SGCZ: variants seen among roughly 807,000 people sequenced by gnomAD.
SGCZ encodes sarcoglycan zeta.
A neutral mutation model predicts 41.3 loss-of-function variants in SGCZ; 40 were observed. That is an observed-to-expected ratio of 0.97 (90% CI 0.75 to 1.26). The LOEUF (loss-of-function observed/expected upper bound fraction) is 1.26. Among genes scored for constraint, SGCZ ranks in the 50% most tolerant of loss-of-function variants. The pLI, the probability that SGCZ is intolerant of heterozygous loss-of-function variation, is 0.00. For synonymous variants in SGCZ, 206 were observed against 137.5 expected (o/e 1.50, Z -3.49); for missense variants, 552 against 369.8 (o/e 1.49, Z -4.04).
chr8:14,201,560 T>C (rs1277449210), intron 4 of SGCZ, among the ~76,000 whole-genome samples: 2 of 152,300 alleles, frequency 1.3e-5, no homozygotes, highest in African/African-American at 2.4e-5. Context: ...TATTTATGTA[T>C]TTCAGAACAG....
chr8:14,160,625 C>T (rs1055993951), intron 5 of SGCZ, among the ~76,000 whole-genome samples: 1 of 152,124 alleles, frequency 6.6e-6, no homozygotes, highest in Non-Finnish European at 1.5e-5. Flanking sequence ...CAAGTAATGT[C>T]AAGAGTGGAA....
At chr8:14,417,675 C>T (rs749235331) in intron 2 of SGCZ, among the ~76,000 whole-genome samples, 1 of 151,550 alleles carries the variant, frequency 6.6e-6, no homozygotes, top group Admixed American at 6.6e-5. Flanking sequence ...TTACTAATAA[C>T]GTATTGTACT....
intron 2 of SGCZ, among the ~76,000 whole-genome samples, chr8:14,512,727 T>G (rs1802503466): frequency 6.6e-6 from 1 of 151,820 alleles, no homozygotes; most frequent in African/African-American, 2.4e-5. Context: ...AGCCTTCCAA[T>G]GGGCTGGGAC....
At chr8:15,176,784 A>C (rs923733512) in intron 1 of SGCZ, among the ~76,000 whole-genome samples, 4 of 152,118 alleles carry the variant, frequency 2.6e-5, no homozygotes, top group Admixed American at 2.6e-4. Flanking sequence ...GGCGGATCAC[A>C]AGGTCAGGAG....
At chr8:14,211,062 C>G (rs559337278) in intron 4 of SGCZ, among the ~76,000 whole-genome samples, 47 of 152,194 alleles carry the variant, frequency 3.1e-4, no homozygotes, top group Non-Finnish European at 2.6e-4. Context: ...TGCTAGTAAT[C>G]CATTTATCGT....
chr8:14,577,904 T>C (rs1160635187), intron 1 of SGCZ, among the ~76,000 whole-genome samples: 2 of 152,194 alleles, frequency 1.3e-5, no homozygotes, highest in Admixed American at 6.5e-5. Context: ...ACTTATTTAA[T>C]AAATGAGGAA....
chr8:14,491,788 T>C (rs1801849659), intron 2 of SGCZ, among the ~76,000 whole-genome samples: 3 of 152,202 alleles, frequency 2.0e-5, no homozygotes, highest in Non-Finnish European at 2.9e-5. Context: ...TATTTCATTT[T>C]AATAGCTCAT....
intron 2 of SGCZ, among the ~76,000 whole-genome samples, chr8:14,361,950 G>T (rs1803529561): frequency 6.6e-6 from 1 of 152,154 alleles, no homozygotes; most frequent in African/African-American, 2.4e-5. Flanking sequence ...CTCAGCTGCA[G>T]GTCTGCTGGA....
intron 1 of SGCZ, among the ~76,000 whole-genome samples, chr8:14,600,808 T>C (rs1385387404): frequency 1.3e-5 from 2 of 151,998 alleles, no homozygotes; most frequent in African/African-American, 2.4e-5. Context: ...TAAAATTAAC[T>C]CCATTGTTGT....
At chr8:14,577,039 T>G (rs1432073455) in intron 1 of SGCZ, among the ~76,000 whole-genome samples, 1 of 152,346 alleles carries the variant, frequency 6.6e-6, no homozygotes, top group East Asian at 1.9e-4. Flanking sequence ...AAACTGTACA[T>G]TTCTTGACTA....
At chr8:14,984,021 G>C (rs1292296807) in intron 1 of SGCZ, among the ~76,000 whole-genome samples, 1 of 152,158 alleles carries the variant, frequency 6.6e-6, no homozygotes, top group African/African-American at 2.4e-5. Context: ...CTAAAGTGGA[G>C]TGAAATTGGA....
Position 14,870,844 on chromosome 8 carries a change from G to T in SGCZ, c.40-315918C>A, listed in dbSNP as rs139716756. Among the ~76,000 whole-genome samples the T allele has an allele frequency of 7.6e-3, 1,152 of 152,172 alleles. 16 individuals carry two copies. The highest frequency in any genetic ancestry group is 0.026 in the African/African-American group (1,091 of 41,518). On this transcript the variant is annotated intron_variant, in intron 1 of 7. Transcript: ENST00000382080. ...GAAACAAGGCTCATCATCACTGGTC[G>T]TTAGAGAAATTCAAATCAAAACCAC...
At chr8:15,219,363 G>C (rs1585686443) in intron 1 of SGCZ, among the ~76,000 whole-genome samples, 1 of 152,052 alleles carries the variant, frequency 6.6e-6, no homozygotes, top group East Asian at 1.9e-4. Context: ...ACATTGCTGA[G>C]TCAATATAAT....
intron 1 of SGCZ, among the ~76,000 whole-genome samples, chr8:15,020,472 G>C (rs1194542698): frequency 6.6e-6 from 1 of 152,066 alleles, no homozygotes; most frequent in East Asian, 1.9e-4. Context: ...TATATATGAG[G>C]AGATGTTCTT....
chr8:14,109,511 T>G (rs1337297106), intron 5 of SGCZ, among the ~76,000 whole-genome samples: 1 of 152,174 alleles, frequency 6.6e-6, no homozygotes, highest in Non-Finnish European at 1.5e-5. Flanking sequence ...CTCATACCTG[T>G]TCCATCAGTG....
intron 1 of SGCZ, among the ~76,000 whole-genome samples, chr8:14,875,931 G>C (rs548271179): frequency 2.0e-5 from 3 of 152,256 alleles, no homozygotes; most frequent in East Asian, 1.9e-4. Context: ...CAGAATAGCA[G>C]AGTAATAAAC....
chr8:14,542,164 T>C (rs1228514018), intron 2 of SGCZ, among the ~76,000 whole-genome samples: 1 of 152,110 alleles, frequency 6.6e-6, no homozygotes, highest in Non-Finnish European at 1.5e-5. Context: ...TTTTGGCTTT[T>C]GTTATTATTG....
intron 1 of SGCZ, among the ~76,000 whole-genome samples, chr8:14,576,755 A>G (rs1046527818): frequency 2.6e-5 from 4 of 152,160 alleles, no homozygotes; most frequent in African/African-American, 9.6e-5. Context: ...CAGTGGAAGA[A>G]GCATTGTGTT....
chr8:14,689,470 C>G (rs1018130956), intron 1 of SGCZ, among the ~76,000 whole-genome samples: 35 of 152,082 alleles, frequency 2.3e-4, no homozygotes, highest in African/African-American at 8.4e-4. Flanking sequence ...AGGAACATTT[C>G]TAGTAACAAT....
Sources: allele counts gnomAD v4.1 joint callset (sites outside exome capture counted in the v4.1 genomes callset), GRCh38; gene constraint gnomAD v4.1.1; transcripts MANE v1.5; gene names NCBI Gene and HGNC (gene_info 2026-07-23, HGNC 2026-07-21).